The following CHN2 variants were observed in gnomAD, a reference collection of about 807,000 sequenced individuals.
CHN2 encodes beta-chimaerin.
CHN2 carries 35 observed loss-of-function variants against 56.3 expected under a neutral mutation model. That is an observed-to-expected ratio of 0.62 (90% CI 0.47 to 0.82). CHN2 has a LOEUF of 0.82. Ranked by LOEUF, CHN2 falls within the 40% of genes least tolerant of loss-of-function variation. The pLI is 0.00. For missense variants in CHN2, 491 were observed against 580.5 expected (o/e 0.85, Z 1.58); for synonymous variants, 210 against 212.8 (o/e 0.99, Z 0.12).
chr7:29,349,220 T>C (rs1425575434), intron 1 of CHN2, among the ~76,000 whole-genome samples: 3 of 152,234 alleles, frequency 2.0e-5, no homozygotes, highest in Non-Finnish European at 4.4e-5. Context: ...GTCGTTCTGT[T>C]AGTCTCTTCT....
intron 1 of CHN2, among the ~76,000 whole-genome samples, chr7:29,238,456 G>A (rs1391771797): frequency 1.3e-5 from 2 of 152,120 alleles, no homozygotes; most frequent in Non-Finnish European, 2.9e-5. Flanking sequence ...ATAGCTTATA[G>A]AAATAATATG....
rs1791181943 is a variant in CHN2 at position 29,510,506 on chromosome 7, G to A, written c.1235+1100G>A. Reference sequence around the variant, plus strand: ...ATCCATCTCCAAGCCCACTCACATGGTTGTTGGCAGGATTCAGTTCCTTAA... The same window carrying A: ...ATCCATCTCCAAGCCCACTCACATGATTGTTGGCAGGATTCAGTTCCTTAA... On this transcript the variant is annotated intron_variant, in intron 12 of 12. Coordinates refer to ENST00000222792, the MANE Select transcript of CHN2 (RefSeq NM_004067.4). Among the ~76,000 whole-genome samples, 3 of 152,314 alleles carry A rather than the reference G, an allele frequency of 2.0e-5. 1 individual carries two copies. The South Asian group carries it at 6.2e-4, about 32-fold the overall frequency.
intron 6 of CHN2, among the ~76,000 whole-genome samples, chr7:29,404,916 G>A (rs1168867329): frequency 6.6e-6 from 1 of 151,836 alleles, no homozygotes; most frequent in African/African-American, 2.4e-5. Context: ...AATATCCCTT[G>A]AAGGATGCAA....
chr7:29,179,897 A>T (rs1797846021), intron 2 of CHN2, among the ~76,000 whole-genome samples: 2 of 152,232 alleles, frequency 1.3e-5, no homozygotes, highest in Admixed American at 1.3e-4. Flanking sequence ...CAAACAAAAA[A>T]TCTGGTCACT....
intron 1 of CHN2, among the ~76,000 whole-genome samples, chr7:29,269,908 T>A (rs985432218): frequency 6.6e-6 from 1 of 152,184 alleles, no homozygotes; most frequent in African/African-American, 2.4e-5. Flanking sequence ...ATTTTCTGGT[T>A]CATCAGATGA....
At chr7:29,352,276 C>G (rs555576926) in intron 1 of CHN2, among the ~76,000 whole-genome samples, 15 of 152,016 alleles carry the variant, frequency 9.9e-5, no homozygotes, top group Admixed American at 2.0e-4. Flanking sequence ...TAGAGTAAAC[C>G]TCATCCAAAA....
intron 1 of CHN2, among the ~76,000 whole-genome samples, chr7:29,208,443 G>A (rs1562831412): frequency 2.0e-5 from 3 of 152,108 alleles, no homozygotes; most frequent in African/African-American, 4.8e-5. Flanking sequence ...AAGTGGGCAC[G>A]GGCTACAGTG....
At chr7:29,445,495 C>T (rs1034081538) in intron 6 of CHN2, among the ~76,000 whole-genome samples, 2 of 152,182 alleles carry the variant, frequency 1.3e-5, no homozygotes, top group Admixed American at 6.5e-5. Flanking sequence ...CATAATAGTA[C>T]TCTTAATCAG....
chr7:29,308,865 T>C (rs1009569995), intron 1 of CHN2, among the ~76,000 whole-genome samples: 1 of 152,226 alleles, frequency 6.6e-6, no homozygotes, highest in Admixed American at 6.5e-5. Context: ...CACTTTATAC[T>C]CAATAATTTT....
intron 6 of CHN2, among the ~76,000 whole-genome samples, chr7:29,457,204 C>A (rs1784831162): frequency 6.6e-6 from 1 of 152,176 alleles, no homozygotes; most frequent in African/African-American, 2.4e-5. Flanking sequence ...CCTCAGGCTT[C>A]CTTCAGGCTG....
chr7:29,226,054 G>A (rs1786164570), intron 1 of CHN2, among the ~76,000 whole-genome samples: 1 of 152,076 alleles, frequency 6.6e-6, no homozygotes, highest in Admixed American at 6.5e-5. Flanking sequence ...TTCTGGGCTG[G>A]CAAGGGAGAC....
chr7:29,400,882 A>T (rs1214246096), intron 6 of CHN2, 54 bp downstream of exon 6: 22 of 1,566,590 alleles, frequency 1.4e-5, no homozygotes, highest in Non-Finnish European at 1.6e-5. Context: ...CCGCATCAAC[A>T]GGCGGGTTAA....
chr7:29,236,761 G>A (rs1240977636), intron 1 of CHN2, among the ~76,000 whole-genome samples: 3 of 152,188 alleles, frequency 2.0e-5, no homozygotes, highest in African/African-American at 7.2e-5. Context: ...GGGCTCTAAG[G>A]GAGAATCAAT....
At chr7:29,477,465 A>T in intron 6 of CHN2, among the ~76,000 whole-genome samples, 1 of 152,336 alleles carries the variant, frequency 6.6e-6, no homozygotes, top group Non-Finnish European at 1.5e-5. Flanking sequence ...ATTTGATCAG[A>T]TTCTAAAAAT....
At chr7:29,240,846 A>G (rs565930485) in intron 1 of CHN2, among the ~76,000 whole-genome samples, 13 of 139,652 alleles carry the variant, frequency 9.3e-5, no homozygotes, top group Non-Finnish European at 1.9e-4. Flanking sequence ...CTTCGTCTTC[A>G]TCTTCTTCTT....
chr7:29,219,983 G>A (rs1414618170), intron 1 of CHN2, among the ~76,000 whole-genome samples: 1 of 152,096 alleles, frequency 6.6e-6, no homozygotes, highest in Non-Finnish European at 1.5e-5. Flanking sequence ...GCTGAGGCAG[G>A]AGAATCACTT....
At chr7:29,508,654 G>A (rs886425384) in intron 11 of CHN2, among the ~76,000 whole-genome samples, 3 of 152,056 alleles carry the variant, frequency 2.0e-5, no homozygotes, top group African/African-American at 7.2e-5. Context: ...AATAGCAGGA[G>A]GGTTTTCTTT....
intron 3 of CHN2, among the ~76,000 whole-genome samples, chr7:29,379,687 G>A (rs1031818800): frequency 5.3e-4 from 81 of 152,330 alleles, no homozygotes; most frequent in African/African-American, 1.9e-3. Flanking sequence ...TGAAGACTGT[G>A]TGAGAAGAGT....
At chr7:29,368,964 G>A (rs1182194035) in intron 3 of CHN2, among the ~76,000 whole-genome samples, 1 of 152,122 alleles carries the variant, frequency 6.6e-6, no homozygotes, top group Non-Finnish European at 1.5e-5. Flanking sequence ...AAAAATCCAG[G>A]ATGAGTTCCA....
Sources: gnomAD v4.1 joint callset for allele counts (sites outside exome capture counted in the v4.1 genomes callset) on GRCh38, gnomAD v4.1.1 for gene constraint, MANE v1.5 for transcripts, NCBI Gene and HGNC (gene_info 2026-07-23, HGNC 2026-07-21) for gene names.